Variants in VWC2L observed in about 807,000 individuals in gnomAD.
The protein encoded by VWC2L is von Willebrand factor C domain containing 2 like.
Under a neutral mutation model 21.6 loss-of-function variants are expected in VWC2L, and 10 were observed. The observed-to-expected ratio is 0.46, with a 90% confidence interval of 0.29 to 0.78. VWC2L has a LOEUF of 0.78. Among genes scored for constraint, VWC2L ranks in the 30% least tolerant of loss-of-function variants. VWC2L has a pLI of 0.10. For missense variants in VWC2L, 209 were observed against 277.1 expected, an observed-to-expected ratio of 0.75 and a Z score of 1.74; for synonymous variants, 96 against 94.3, an observed-to-expected ratio of 1.02 and a Z score of -0.10.
At chr2:214,457,837 C>T (rs535951983) in intron 3 of VWC2L, among the ~76,000 whole-genome samples, 12 of 152,174 alleles carry the variant, frequency 7.9e-5, no homozygotes, top group Non-Finnish European at 1.2e-4. Context: ...GGTGCATTAT[C>T]TTTTGCATAT....
At chr2:214,518,672 G>T (rs931661617) in intron 3 of VWC2L, among the ~76,000 whole-genome samples, 2 of 152,162 alleles carry the variant, frequency 1.3e-5, no homozygotes, top group African/African-American at 4.8e-5. Context: ...AGTAGAAAAT[G>T]ATTTGATAAC....
At chr2:214,512,124 G>A (rs10171039) in intron 3 of VWC2L, among the ~76,000 whole-genome samples, 119,627 of 151,950 alleles carry the variant, frequency 0.79, 48,782 homozygotes, top group East Asian at 0.99. Context: ...GTTTCATAGA[G>A]TGCACACAAG....
At chr2:214,436,882 G>C in intron 3 of VWC2L, 124 bp downstream of exon 3, 1 of 1,115,442 alleles carries the variant, frequency 9.0e-7, no homozygotes, top group Non-Finnish European at 1.3e-6. Context: ...TATGGGCATG[G>C]CGGATGTATA....
intron 3 of VWC2L, among the ~76,000 whole-genome samples, chr2:214,567,234 G>A (rs1455922574): frequency 6.6e-6 from 1 of 152,108 alleles, no homozygotes; most frequent in Admixed American, 6.6e-5. Flanking sequence ...TCAATAAAGT[G>A]GTCCTGACCA....
chr2:214,568,986 A>AT, intron 3 of VWC2L, among the ~76,000 whole-genome samples: 2 of 152,064 alleles, frequency 1.3e-5, no homozygotes, highest in South Asian at 4.2e-4. Flanking sequence ...CAAACTGCAC[A>AT]TTTTTTCTAG....
intron 3 of VWC2L, among the ~76,000 whole-genome samples, chr2:214,496,572 T>A (rs1278304058): frequency 6.6e-6 from 1 of 152,158 alleles, no homozygotes; most frequent in South Asian, 2.1e-4. Flanking sequence ...TTCATCCACA[T>A]TGGGGTTTTA....
chr2:214,473,000 A>G (rs991894991), intron 3 of VWC2L, among the ~76,000 whole-genome samples: 1 of 152,238 alleles, frequency 6.6e-6, no homozygotes, highest in Admixed American at 6.5e-5. Flanking sequence ...GCTTAAAGAT[A>G]TTATATATTG....
chr2:214,469,170 G>C (rs958714838), intron 3 of VWC2L, among the ~76,000 whole-genome samples: 1 of 152,070 alleles, frequency 6.6e-6, no homozygotes, highest in Non-Finnish European at 1.5e-5. Context: ...ATAAAAGAAC[G>C]TTCCATACAT....
At chr2:214,496,423 G>GT (rs1421007354) in intron 3 of VWC2L, among the ~76,000 whole-genome samples, 2 of 152,080 alleles carry the variant, frequency 1.3e-5, no homozygotes, top group East Asian at 3.9e-4. Flanking sequence ...TGACATCTGT[G>GT]TGCTGCAGTC....
intron 2 of VWC2L, among the ~76,000 whole-genome samples, chr2:214,433,183 T>TA (rs1278271015): frequency 1.2e-3 from 135 of 113,712 alleles, no homozygotes; most frequent in African/African-American, 3.0e-3. Flanking sequence ...TATATATATA[T>TA]TATATATAAA....
intron 3 of VWC2L, among the ~76,000 whole-genome samples, chr2:214,451,311 G>GA: frequency 6.7e-6 from 1 of 150,118 alleles, no homozygotes; most frequent in African/African-American, 2.4e-5. Flanking sequence ...GTCGGTGTGG[G>GA]GGGGGGGGGC....
At chr2:214,516,732 C>A (rs1689150148) in intron 3 of VWC2L, among the ~76,000 whole-genome samples, 1 of 151,586 alleles carries the variant, frequency 6.6e-6, no homozygotes, top group African/African-American at 2.4e-5. Context: ...GTCTTCTTTA[C>A]CAACAAGAGG....
At chr2:214,545,666 T>G (rs1689694739) in intron 3 of VWC2L, among the ~76,000 whole-genome samples, 1 of 152,348 alleles carries the variant, frequency 6.6e-6, no homozygotes, top group African/African-American at 2.4e-5. Flanking sequence ...GTGGCCATTT[T>G]ACAGAGTATT....
rs1201712261 is a variant in VWC2L at position 214,479,305 on chromosome 2, A to G, written c.520+42547A>G. ...CCATAAAAATATCTTATTTTTTGAT[A>G]GTCATAGTGTTTATCTTTTTAATGA... On this transcript the variant is annotated intron_variant, in intron 3 of 3. Coordinates refer to ENST00000312504, the MANE Select transcript of VWC2L (RefSeq NM_001080500.4). Among the ~76,000 whole-genome samples, 14 of 152,176 alleles carry G rather than the reference A, an allele frequency of 9.2e-5. 1 individual carries two copies. Among genetic ancestry groups the G allele is most frequent in the Non-Finnish European group, 1.8e-4 (12 of 68,032 alleles).
intron 3 of VWC2L, among the ~76,000 whole-genome samples, chr2:214,499,271 G>C (rs1013050159): frequency 1.3e-5 from 2 of 151,958 alleles, no homozygotes; most frequent in African/African-American, 4.8e-5. Context: ...ACCTGCCTCA[G>C]CCTCCCAAAG....
intron 3 of VWC2L, among the ~76,000 whole-genome samples, chr2:214,463,689 C>G (rs1287746304): frequency 1.6e-4 from 24 of 151,876 alleles, no homozygotes; most frequent in Admixed American, 1.5e-3. Flanking sequence ...GATATTTAAG[C>G]TGTAATTATT....
At chr2:214,544,798 C>A (rs997586900) in intron 3 of VWC2L, among the ~76,000 whole-genome samples, 1 of 152,052 alleles carries the variant, frequency 6.6e-6, no homozygotes, top group Non-Finnish European at 1.5e-5. Flanking sequence ...GTATTCTACA[C>A]CCTATACCAA....
At chr2:214,516,596 G>A (rs530899750) in intron 3 of VWC2L, among the ~76,000 whole-genome samples, 20 of 151,514 alleles carry the variant, frequency 1.3e-4, no homozygotes, top group African/African-American at 4.1e-4. Context: ...AGTTTATGTC[G>A]ATTATGCATA....
chr2:214,430,692 G>T (rs544922707), intron 2 of VWC2L, among the ~76,000 whole-genome samples: 12 of 152,188 alleles, frequency 7.9e-5, no homozygotes, highest in African/African-American at 2.6e-4. Context: ...TAGACATGCT[G>T]AAAAAATATA....
Sources: gnomAD v4.1 joint callset for allele counts (sites outside exome capture counted in the v4.1 genomes callset) on GRCh38, gnomAD v4.1.1 for gene constraint, MANE v1.5 for transcripts, NCBI Gene and HGNC (gene_info 2026-07-23, HGNC 2026-07-21) for gene names.